The following NCOR2 variants were observed in gnomAD, a reference collection of about 807,000 sequenced individuals.
NCOR2 encodes nuclear receptor corepressor 2.
Under a neutral mutation model 262.9 loss-of-function variants are expected in NCOR2, and 81 were observed. The observed-to-expected ratio is 0.31, with a 90% CI of 0.26 to 0.37. The LOEUF (loss-of-function observed/expected upper bound fraction) is 0.37, where lower values mean the gene tolerates loss of function less well. NCOR2 is among the 10% of genes least tolerant of loss of function. The probability of loss-of-function intolerance (pLI) is 1.00; values close to 1 mark genes in which losing one functional copy is unlikely to be tolerated. For synonymous variants in NCOR2, 1,659 were observed against 1,559.3 expected (o/e 1.06, Z -1.51); for missense variants, 3,385 against 3,621.4 (o/e 0.93, Z 1.68).
intron 19 of NCOR2, among the ~76,000 whole-genome samples, 171 bp downstream of exon 21, chr12:124,374,242 G>C (rs2039800087): frequency 1.3e-5 from 2 of 152,232 alleles, no homozygotes; most frequent in African/African-American, 4.8e-5. Context: ...GACCAGCATG[G>C]GGAACAGCCA....
chr12:124,399,013 G>C (rs1319127564), intron 15 of NCOR2, among the ~76,000 whole-genome samples: 1 of 152,172 alleles, frequency 6.6e-6, no homozygotes, highest in Non-Finnish European at 1.5e-5. Flanking sequence ...ACCCATGAGT[G>C]GGGTGGGTGC....
chr12:124,375,311 G>A (rs954952307), intron 18 of NCOR2, among the ~76,000 whole-genome samples: 2 of 152,198 alleles, frequency 1.3e-5, no homozygotes, highest in African/African-American at 2.4e-5. Context: ...GTCTCAGTTT[G>A]TTCATCTACA....
chr12:124,499,326 C>T (rs1003804100), upstream of NCOR2, among the ~76,000 whole-genome samples: 4 of 152,204 alleles, frequency 2.6e-5, no homozygotes, highest in Admixed American at 6.5e-5. Flanking sequence ...AAAGGGTGGG[C>T]GGCATTCATT....
chr12:124,436,720 C>T (rs998051863), intron 8 of NCOR2, among the ~76,000 whole-genome samples: 12 of 152,196 alleles, frequency 7.9e-5, no homozygotes. Flanking sequence ...GCACAGCTCT[C>T]TCCGGCTCCC....
chr12:124,519,023 C>T (rs2050010503), intron 1 of NCOR2, among the ~76,000 whole-genome samples: 1 of 151,672 alleles, frequency 6.6e-6, no homozygotes, highest in South Asian at 2.1e-4. Flanking sequence ...GTGACCCCCT[C>T]ACACTGGCAT....
intron 1 of NCOR2, chr12:124,513,898 A>G (rs2049561828): frequency 6.6e-6 from 1 of 152,178 alleles, no homozygotes. Flanking sequence ...TGGTTTTCCA[A>G]ATCATCCCCA....
intron 1 of NCOR2, among the ~76,000 whole-genome samples, chr12:124,509,620 G>T (rs555647232): frequency 6.6e-6 from 1 of 152,166 alleles, no homozygotes; most frequent in Non-Finnish European, 1.5e-5. Context: ...AGCCAGCCAA[G>T]AAGAGGCCAG....
Position 124,433,501 on chromosome 12 carries a change from C to G in NCOR2, c.883-2714G>C, listed in dbSNP as rs553522158. Among the ~76,000 whole-genome samples the G allele has an allele frequency of 2.0e-5, 3 of 152,340 alleles. No homozygotes were observed. In the South Asian group the frequency reaches 6.2e-4, roughly 32 times the overall value. On this transcript the variant is annotated intron_variant, in intron 8 of 46. Coordinates refer to ENST00000405201, the Ensembl canonical transcript of NCOR2. The stretch of plus-strand genomic sequence containing the variant: ...CGCTGGCAAGACGGCCCGGCTCTAG[C>G]TGGGTCCCTCGTGGAGTGCACGGGT...
At chr12:124,333,194 G>C (rs375757338) in exon 42 of NCOR2, 5 of 1,613,080 alleles carry the variant, frequency 3.1e-6, no homozygotes, top group Non-Finnish European at 1.7e-6. Context: ...GAGTGCCCTG[G>C]CTCCGTCATG....
Position 124,378,403 on chromosome 12 carries a change from G to A in NCOR2, c.2020-19C>T, listed in dbSNP as rs1197420491. The A allele has an allele frequency of 5.0e-6, 8 of 1,604,376 alleles. No homozygotes were observed. ...CCTTCTCCTGGGGCACAGGGAAGCAGCAGATCAGGACTGGGGCCTGGGCTG... is the reference window on the plus strand; with the variant it reads ...CCTTCTCCTGGGGCACAGGGAAGCAACAGATCAGGACTGGGGCCTGGGCTG... On this transcript the variant is annotated intron_variant, in intron 17 of 46. Coordinates refer to ENST00000405201, the Ensembl canonical transcript of NCOR2. The surrounding 1 kb of genome is among the most constrained non-coding windows in gnomAD (Gnocchi z 4.2).
In NCOR2 at chr12:124,488,889, G is replaced by T. The variant is rs146475035; in HGVS notation, c.106-2321C>A. 2.4e-4 allele frequency among the ~76,000 whole-genome samples: 36 copies of T among 152,186 alleles called. No homozygotes were observed. The East Asian group carries it at 6.8e-3, about 29-fold the overall frequency. Reference sequence around the variant, plus strand: ...GGAGGCCCGAAGTGGGGGCTGGGGAGGCCTCTGCATGAACCCTTTGGCCTT... The same window carrying T: ...GGAGGCCCGAAGTGGGGGCTGGGGATGCCTCTGCATGAACCCTTTGGCCTT... On this transcript the variant is annotated intron_variant, in intron 1 of 46. Coordinates refer to ENST00000405201, the Ensembl canonical transcript of NCOR2.
intron 6 of NCOR2, among the ~76,000 whole-genome samples, chr12:124,453,262 G>A (rs909254571): frequency 2.6e-5 from 4 of 152,202 alleles, no homozygotes; most frequent in Non-Finnish European, 4.4e-5. Context: ...CACAGGCTGG[G>A]GGGCATGGCT....
chr12:124,438,760 GAC>G, intron 7 of NCOR2, among the ~76,000 whole-genome samples: 1 of 145,494 alleles, frequency 6.9e-6, no homozygotes, highest in Non-Finnish European at 1.5e-5. Flanking sequence ...GAGAGAGAGA[GAC>G]AGAGACCCAG....
intron 24 of NCOR2, 39 bp from the exon 27 acceptor site, chr12:124,354,978 G>C (rs773551926): frequency 1.3e-6 from 2 of 1,568,564 alleles, no homozygotes; most frequent in Middle Eastern, 1.7e-4. Flanking sequence ...GGGCACCCTG[G>C]TCCCTCCCCC....
intron 1 of NCOR2, among the ~76,000 whole-genome samples, chr12:124,506,351 C>T (rs1773573394): frequency 6.6e-6 from 1 of 151,900 alleles, no homozygotes; most frequent in African/African-American, 2.4e-5. Context: ...TGGCGTTGGT[C>T]GGAGCCTCCG....
At chr12:124,349,600 C>T (rs2037260181) in intron 28 of NCOR2, among the ~76,000 whole-genome samples, 1 of 152,170 alleles carries the variant, frequency 6.6e-6, no homozygotes, top group Admixed American at 6.5e-5. Context: ...CCACTCCCTA[C>T]AGTCTCACAC....
rs116085653 is a variant in NCOR2, at chr12:124,359,775, T to C, written c.3100+2351A>G. Reference sequence around the variant, plus strand: ...CTGGAGAGACAACCTGTTCCTCCAGTTGGGCCCAGGGGGCCCCGAGGGACC... The same window carrying C: ...CTGGAGAGACAACCTGTTCCTCCAGCTGGGCCCAGGGGGCCCCGAGGGACC... On this transcript the variant is annotated intron_variant, in intron 22 of 46. Coordinates refer to ENST00000405201, the Ensembl canonical transcript of NCOR2. 8.5e-3 allele frequency among the ~76,000 whole-genome samples: 1,299 copies of C among 152,308 alleles called. 19 individuals carry two copies. The highest frequency in any genetic ancestry group is 0.029 in the African/African-American group (1,202 of 41,568).
At chr12:124,449,932 G>A (rs546823203) in intron 6 of NCOR2, 65 bp from the exon 9 acceptor site, 15 of 1,536,098 alleles carry the variant, frequency 9.8e-6, no homozygotes, top group South Asian at 9.2e-5. Context: ...AGAGCCCACC[G>A]GTAGGAGCCA....
rs1028346036 is a variant in NCOR2 at position 124,481,408 on chromosome 12, C to T, written c.411+2188G>A. ...GGCTGAATCTCACACCCCAGGAGGA[C>T]GTGGTGGGGCTGCAGCCTCAGCCAT... On this transcript the variant is annotated intron_variant, in intron 3 of 46. Transcript: ENST00000405201. The surrounding 1 kb of genome is among the most constrained non-coding windows in gnomAD (Gnocchi z 4.6). Among the ~76,000 whole-genome samples, 3 of 152,110 alleles carry T rather than the reference C, an allele frequency of 2.0e-5. No homozygotes were observed. Among genetic ancestry groups the T allele is most frequent in the Non-Finnish European group, 4.4e-5 (3 of 67,990 alleles).
Sources: allele counts gnomAD v4.1 joint callset (sites outside exome capture counted in the v4.1 genomes callset), GRCh38; gene constraint gnomAD v4.1.1; non-coding constraint Gnocchi (gnomAD v3.1); transcripts MANE v1.5; gene names NCBI Gene and HGNC (gene_info 2026-07-23, HGNC 2026-07-21).